MAST2: variants seen among roughly 807,000 people sequenced by gnomAD.
The protein encoded by MAST2 is microtubule associated serine/threonine kinase 2, also known as microtubule-associated serine/threonine-protein kinase 2.
In MAST2, 70 loss-of-function variants were observed where a neutral mutation model predicts 147.4. The observed-to-expected ratio is 0.47, with a 90% confidence interval of 0.39 to 0.58. MAST2 has a LOEUF of 0.58. Ranked by LOEUF, MAST2 falls within the 20% of genes least tolerant of loss-of-function variation. The probability of loss-of-function intolerance (pLI) is 0.00; values close to 1 mark genes in which losing one functional copy is unlikely to be tolerated. For missense variants in MAST2, 2,080 were observed against 2,302.3 expected (o/e 0.90, Z 1.98); for synonymous variants, 869 against 896.8 (o/e 0.97, Z 0.55).
intron 3 of MAST2, among the ~76,000 whole-genome samples, chr1:45,859,284 G>C (rs1187507994): frequency 6.6e-6 from 1 of 152,172 alleles, no homozygotes; most frequent in Non-Finnish European, 1.5e-5. Context: ...ATTTTTAATA[G>C]AGATGTGGTT....
Position 45,997,739 on chromosome 1 carries a change from A to G in MAST2, c.608A>G (p.Asp203Gly), listed in dbSNP as rs774377481. ...CCATCCACAGGTAACAGTCCTTTGG[A>G]CAGCCCCCGGAATTTCTCTCCAAAT... ...LHGHTGNSPL[D>G]SPRNFSPNAP... Residue 203 changes from aspartate (D) to glycine (G), a missense_variant, in exon 6 of 29, where the codon GAC (aspartate) becomes GGC (glycine). This residue lies in a region of MAST2 where 569 missense variants were observed against 642.5 expected (regional missense o/e 0.89). Transcript: ENST00000361297. The G allele has an allele frequency of 2.0e-5, 32 of 1,613,992 alleles. No individual in the cohort carries two copies. Among genetic ancestry groups the G allele is most frequent in the Non-Finnish European group, 2.6e-5 (31 of 1,179,966 alleles).
At chr1:45,915,578 C>T (rs917273613) in intron 4 of MAST2, among the ~76,000 whole-genome samples, 6 of 151,818 alleles carry the variant, frequency 4.0e-5, no homozygotes, top group African/African-American at 1.2e-4. Context: ...GACGTGGTGG[C>T]GGGCGCCTGT....
chr1:45,912,169 A>C (rs1651779163), intron 4 of MAST2, among the ~76,000 whole-genome samples: 1 of 152,120 alleles, frequency 6.6e-6, no homozygotes, highest in Non-Finnish European at 1.5e-5. Flanking sequence ...GGGCTGAATA[A>C]TTGGACTAAT....
At chr1:45,961,194 T>C (rs567232010) in intron 5 of MAST2, among the ~76,000 whole-genome samples, 1 of 152,096 alleles carries the variant, frequency 6.6e-6, no homozygotes, top group Non-Finnish European at 1.5e-5. Flanking sequence ...GGAGACATAC[T>C]TGACCTTTAA....
chr1:45,915,355 T>C (rs1428554491), intron 4 of MAST2, among the ~76,000 whole-genome samples: 1 of 152,190 alleles, frequency 6.6e-6, no homozygotes, highest in African/African-American at 2.4e-5. Flanking sequence ...AAACAATCCT[T>C]TTTAGACTCT....
At chr1:46,009,200 A>G (rs1645613539) in intron 9 of MAST2, among the ~76,000 whole-genome samples, 1 of 152,156 alleles carries the variant, frequency 6.6e-6, no homozygotes. Flanking sequence ...GACTACAGGC[A>G]TGCGCCACCA....
chr1:45,879,773 T>A (rs1646765897), intron 3 of MAST2, among the ~76,000 whole-genome samples: 1 of 152,106 alleles, frequency 6.6e-6, no homozygotes, highest in Admixed American at 6.5e-5. Flanking sequence ...TATATATTGA[T>A]GGTTAATAAG....
At chr1:46,024,095 C>A (rs1646302415) in intron 15 of MAST2, 115 bp downstream of exon 15, 2 of 988,808 alleles carry the variant, frequency 2.0e-6, no homozygotes, top group Non-Finnish European at 3.1e-6. Flanking sequence ...GCTTTCCAGT[C>A]CACCTTTGGC....
Position 45,888,663 on chromosome 1 carries a change from C to CTTTTTTTTTTTTTTTTTTTTTTTT in MAST2, c.500+6281_500+6304dup, listed in dbSNP as rs71587722. Among the ~76,000 whole-genome samples the CTTTTTTTTTTTTTTTTTTTTTTTT allele has an allele frequency of 2.9e-4, 14 of 48,726 alleles. 1 individual carries two copies. The highest frequency in any genetic ancestry group is 5.9e-4 in the East Asian group (1 of 1,708). The allele number at this position is 48,726 out of a possible 152,430, so 32.0% of individuals were successfully genotyped here. A position where few individuals can be genotyped will look rare whatever the true frequency, so the allele number is the denominator to read the frequency against. On this transcript the variant is annotated intron_variant, in intron 4 of 28. Coordinates refer to ENST00000361297, the MANE Select transcript of MAST2 (RefSeq NM_015112.3). ...AGGCGTGAGCCACCGCGCGCGGCCTCTTTTTTTTTTTTTTTTTTTTTTTTT... is the reference window on the plus strand; with the variant it reads ...AGGCGTGAGCCACCGCGCGCGGCCTCTTTTTTTTTTTTTTTTTTTTTTTTTTTTTTTTTTTTTTTTTTTTTTTTT...
intron 4 of MAST2, among the ~76,000 whole-genome samples, chr1:45,940,777 G>T (rs1171318391): frequency 1.3e-5 from 2 of 151,954 alleles, no homozygotes; most frequent in African/African-American, 4.8e-5. Flanking sequence ...CTGTCACCAC[G>T]CCCTGCTAAT....
intron 3 of MAST2, among the ~76,000 whole-genome samples, chr1:45,849,153 C>T (rs992790211): frequency 1.9e-4 from 29 of 152,326 alleles, no homozygotes; most frequent in Admixed American, 1.7e-3. Flanking sequence ...AATGACCATA[C>T]TGCCTAAAGC....
intron 4 of MAST2, among the ~76,000 whole-genome samples, chr1:45,889,379 G>C (rs993914894): frequency 1.3e-5 from 2 of 151,164 alleles, no homozygotes; most frequent in Non-Finnish European, 3.0e-5. Context: ...TAGAGGTGGG[G>C]TTTTGCCATG....
At chr1:45,964,877 C>T (rs1006704994) in intron 5 of MAST2, among the ~76,000 whole-genome samples, 5 of 152,094 alleles carry the variant, frequency 3.3e-5, no homozygotes, top group East Asian at 1.9e-4. Flanking sequence ...TTTCCCTCTA[C>T]GTACTGCTTT....
chr1:46,013,025 C>T (rs933496339), intron 10 of MAST2, among the ~76,000 whole-genome samples: 1 of 151,846 alleles, frequency 6.6e-6, no homozygotes, highest in Non-Finnish European at 1.5e-5. Flanking sequence ...TAGATTGTAT[C>T]GTGAAGGCAG....
At chr1:45,809,281 G>A (rs1339538100) in intron 1 of MAST2, among the ~76,000 whole-genome samples, 1 of 152,156 alleles carries the variant, frequency 6.6e-6, no homozygotes, top group African/African-American at 2.4e-5. Flanking sequence ...AGTTTGAGAA[G>A]CTCTTTATTC....
Position 46,036,041 on chromosome 1 carries a change from C to T in MAST2, c.5372C>T (p.Pro1791Leu), listed in dbSNP as rs553795173. 5.8e-5 allele frequency: 94 copies of T among 1,610,322 alleles called. No individual in the cohort carries two copies. The East Asian group carries it at 1.0e-3, about 18-fold the overall frequency. ...AAGCATCGGGATTTGGCATTGGTTC[C>T]AGATGAGCTTTTAAAGCAAACATAG... is the stretch of plus-strand genomic sequence containing the variant. ...HQKHRDLALV[P>L]DELLKQT The change falls in exon 29 of 29, where the codon CCA becomes CTA. Residue 1791 changes from proline (P) to leucine (L), a missense_variant. By Grantham distance (98) the Pro-to-Leu change is moderately conservative. Around this residue, in one of 4 missense-constraint regions of MAST2, gnomAD observed 1,278 missense variants for 1,304.2 expected, o/e 0.98. Transcript: ENST00000361297.
At position 46,034,725 on chromosome 1, in the gene MAST2, C is replaced by T. The variant is rs906969242; in HGVS notation, c.4056C>T (p.Pro1352=). 5.6e-6 allele frequency: 9 copies of T among 1,614,146 alleles called. No individual in the cohort carries two copies. Among genetic ancestry groups the T allele is most frequent in the Non-Finnish European group, 7.6e-6 (9 of 1,180,030 alleles). The change falls in exon 29 of 29, where the codon CCC becomes CCT. Residue 1352 remains proline (P), a synonymous_variant. Coordinates refer to ENST00000361297, the MANE Select transcript of MAST2 (RefSeq NM_015112.3). ...PLSPLAHTPS[P]PPPTASPQRS... ...CACCACTGGCCCACACCCCTTCTCC[C>T]CCACCCCCAACAGCTTCACCTCAGC... is the stretch of plus-strand genomic sequence containing the variant.
At chr1:45,925,616 A>G (rs919710501) in intron 4 of MAST2, among the ~76,000 whole-genome samples, 6 of 152,202 alleles carry the variant, frequency 3.9e-5, no homozygotes, top group African/African-American at 1.4e-4. Context: ...GCTTAATGGA[A>G]CACAGAATGA....
intron 1 of MAST2, among the ~76,000 whole-genome samples, chr1:45,810,395 G>A (rs1011144807): frequency 3.3e-5 from 5 of 152,178 alleles, no homozygotes; most frequent in African/African-American, 9.7e-5. Context: ...GGGAAGCTGC[G>A]TAATATATAT....
Sources: allele counts gnomAD v4.1 joint callset (sites outside exome capture counted in the v4.1 genomes callset), GRCh38; gene constraint gnomAD v4.1.1; regional missense constraint gnomAD v4.1.1; transcripts MANE v1.5; gene names NCBI Gene and HGNC (gene_info 2026-07-23, HGNC 2026-07-21).